The following CLIC5 variants were observed in gnomAD, a reference collection of about 807,000 sequenced individuals.
CLIC5 encodes CLIC family member 5.
CLIC5 carries 20 observed loss-of-function variants against 24.7 expected under a neutral mutation model. The ratio of observed to expected loss-of-function variants is 0.81; its 90% CI spans 0.57 to 1.18. CLIC5 has a LOEUF of 1.18. Among genes scored for constraint, CLIC5 ranks in the 50% most tolerant of loss-of-function variants. The probability of loss-of-function intolerance (pLI) is 0.00; values close to 1 mark genes in which losing one functional copy is unlikely to be tolerated. For missense variants in CLIC5, 341 were observed against 326.1 expected (o/e 1.05, Z -0.35); for synonymous variants, 159 against 135.6 (o/e 1.17, Z -1.20).
At chr6:45,966,030 G>A (rs1490307150) in intron 1 of CLIC5, among the ~76,000 whole-genome samples, 2 of 152,144 alleles carry the variant, frequency 1.3e-5, no homozygotes, top group African/African-American at 4.8e-5. Flanking sequence ...TCTGAATGTT[G>A]AGTTTTGAAT....
At chr6:46,063,424 C>T (rs6913061) in intron 1 of CLIC5, among the ~76,000 whole-genome samples, 58,825 of 152,022 alleles carry the variant, frequency 0.39, 11,587 homozygotes, top group East Asian at 0.62. Context: ...ATAGGATACA[C>T]GGGACCCAAA....
chr6:46,126,804 C>G, the CLIC5 span, among the ~76,000 whole-genome samples: 67,805 of 151,636 alleles, frequency 0.45, 16,394 homozygotes, highest in South Asian at 0.68. Flanking sequence ...CTTTGGGAAG[C>G]GTGTGGCTTT....
intron 1 of CLIC5, among the ~76,000 whole-genome samples, chr6:45,956,342 C>T (rs1157038538): frequency 6.6e-6 from 1 of 152,158 alleles, no homozygotes; most frequent in Non-Finnish European, 1.5e-5. Flanking sequence ...GCCCTGGAAA[C>T]CATGGCCCCC....
At chr6:45,897,085 G>A (rs1017462287), downstream of CLIC5, among the ~76,000 whole-genome samples, 1 of 152,098 alleles carries the variant, frequency 6.6e-6, no homozygotes, top group Non-Finnish European at 1.5e-5. Context: ...GTCACATCAA[G>A]GACCCAGGTT....
the CLIC5 span, among the ~76,000 whole-genome samples, chr6:46,120,247 G>A: frequency 3.9e-5 from 6 of 152,212 alleles, no homozygotes; most frequent in Non-Finnish European, 2.9e-5. Flanking sequence ...CCAGAGGAAC[G>A]ATCAGACAGC....
In CLIC5 at chr6:45,898,909, GC is replaced by G. The variant is rs1430312381; in HGVS notation, c.*4178del. 8 of 152,380 alleles carry G rather than the reference GC, an allele frequency of 5.3e-5. No individual in the cohort carries two copies. The highest frequency in any genetic ancestry group is 2.1e-4 in the South Asian group (1 of 4,830). 9.4% of individuals were successfully genotyped at this position (152,380 alleles called of 1,614,324 possible). A position where few individuals can be genotyped will look rare whatever the true frequency, so the allele number is the denominator to read the frequency against. ...AAGTACATTTTACCAAAAACAGATT[GC>G]TTCTATAGAAACACAGAATAGCCCA... is the stretch of plus-strand genomic sequence containing the variant. On this transcript the variant is annotated 3_prime_UTR_variant, in exon 6 of 6. Coordinates refer to ENST00000339561, the MANE Select transcript of CLIC5 (RefSeq NM_016929.5).
chr6:46,105,144 T>C, the CLIC5 span, among the ~76,000 whole-genome samples: 1 of 152,128 alleles, frequency 6.6e-6, no homozygotes, highest in Non-Finnish European at 1.5e-5. Flanking sequence ...GCCGGACAGA[T>C]GTGGGTTGTA....
At chr6:45,937,991 TG>T (rs1334034019) in intron 4 of CLIC5, among the ~76,000 whole-genome samples, 1 of 151,974 alleles carries the variant, frequency 6.6e-6, no homozygotes, top group Non-Finnish European at 1.5e-5. Context: ...AGTGTGTGTA[TG>T]GGGGCTGGGG....
intron 1 of CLIC5, among the ~76,000 whole-genome samples, chr6:46,072,799 G>A (rs1212612041): frequency 6.6e-6 from 1 of 152,162 alleles, no homozygotes; most frequent in South Asian, 2.1e-4. Flanking sequence ...CAAGGTGTGA[G>A]TACCCAGGCA....
chr6:46,062,899 T>G (rs564108364), intron 1 of CLIC5, among the ~76,000 whole-genome samples: 1 of 152,306 alleles, frequency 6.6e-6, no homozygotes, highest in South Asian at 2.1e-4. Context: ...GGTAAGAGGT[T>G]AAAAGATGAA....
rs561316805 is a variant in CLIC5 at position 45,929,069 on chromosome 6, A to C, written c.406+12478T>G. ...TCTACTCCAGTCCAGGAGCCCACAC[A>C]GCAAAATTCCACTAATGAATGCGCC... On this transcript the variant is annotated intron_variant, in intron 4 of 5. Transcript: ENST00000339561. Among the ~76,000 whole-genome samples, 6 of 152,188 alleles carry C rather than the reference A, an allele frequency of 3.9e-5. No homozygotes were observed. In the South Asian group the frequency reaches 1.2e-3, roughly 32 times the overall value.
the CLIC5 span, among the ~76,000 whole-genome samples, chr6:46,104,327 G>A: frequency 3.3e-5 from 5 of 152,220 alleles, 1 homozygote; most frequent in East Asian, 7.7e-4. Context: ...CATCTGGGGG[G>A]CATGATCTTC....
chr6:45,949,168 T>A (rs200995662), intron 3 of CLIC5, 88 bp downstream of exon 3: 116 of 1,488,770 alleles, frequency 7.8e-5, no homozygotes, highest in Non-Finnish European at 1.0e-4. Flanking sequence ...CCTTTGGAAA[T>A]GCATCTGCCC....
At position 46,031,939 on chromosome 6, in the gene CLIC5, T is replaced by TATAC. The variant is rs1554163950; in HGVS notation, c.540+47763_540+47764insGTAT. Among the ~76,000 whole-genome samples the TATAC allele has an allele frequency of 2.4e-4, 35 of 146,296 alleles. No homozygotes were observed. The South Asian group carries it at 5.2e-3, about 22-fold the overall frequency. The stretch of plus-strand genomic sequence containing the variant: ...TATGTACACAACATATATATATATA[T>TATAC]ACACACACACACACACACAACAAAT... On this transcript the variant is annotated intron_variant, in intron 1 of 5. Coordinates refer to the CLIC5 transcript ENST00000185206.
intron 1 of CLIC5, among the ~76,000 whole-genome samples, chr6:46,012,192 T>C (rs1201893138): frequency 6.6e-6 from 1 of 152,212 alleles, no homozygotes; most frequent in East Asian, 1.9e-4. Context: ...ATTTGGACAA[T>C]AAATTATATG....
At chr6:46,028,449 C>T (rs1767404248) in intron 1 of CLIC5, among the ~76,000 whole-genome samples, 1 of 152,170 alleles carries the variant, frequency 6.6e-6, no homozygotes, top group Admixed American at 6.5e-5. Flanking sequence ...AGTACTGACC[C>T]TCTGCATGCA....
intron 1 of CLIC5, among the ~76,000 whole-genome samples, chr6:46,000,736 C>T (rs892265039): frequency 6.6e-6 from 1 of 152,140 alleles, no homozygotes; most frequent in Non-Finnish European, 1.5e-5. Flanking sequence ...GACTCGTAGA[C>T]TCACTCACTA....
chr6:46,103,525 A>C, the CLIC5 span, among the ~76,000 whole-genome samples: 1 of 152,198 alleles, frequency 6.6e-6, no homozygotes, highest in Admixed American at 6.5e-5. Context: ...TTATATAACA[A>C]GACCACCTTT....
intron 1 of CLIC5, among the ~76,000 whole-genome samples, chr6:45,997,512 G>GAAAAAAAAAAAAA: frequency 7.7e-6 from 1 of 130,278 alleles, no homozygotes; most frequent in African/African-American, 2.7e-5. Context: ...AATAATAAAA[G>GAAAAAAAAAAAAA]AAAAAAAAAA....
Sources: gnomAD v4.1 joint callset for allele counts (sites outside exome capture counted in the v4.1 genomes callset) on GRCh38, gnomAD v4.1.1 for gene constraint, MANE v1.5 for transcripts, NCBI Gene and HGNC (gene_info 2026-07-23, HGNC 2026-07-21) for gene names.